The following MDGA2 variants were observed in gnomAD, a reference collection of about 807,000 sequenced individuals.
The protein encoded by MDGA2 is MAM domain containing glycosylphosphatidylinositol anchor 2.
In MDGA2, 40 loss-of-function variants were observed where a neutral mutation model predicts 117.8. The ratio of observed to expected loss-of-function variants is 0.34; its 90% confidence interval spans 0.26 to 0.44. MDGA2 has a LOEUF of 0.44. Among genes scored for constraint, MDGA2 ranks in the 20% least tolerant of loss-of-function variants. The pLI is 1.00. For missense variants in MDGA2, 1,123 were observed against 1,250.6 expected, an observed-to-expected ratio of 0.90 and a Z score of 1.54; for synonymous variants, 452 against 439.0, an observed-to-expected ratio of 1.03 and a Z score of -0.37.
intron 1 of MDGA2, among the ~76,000 whole-genome samples, chr14:47,399,160 A>G (rs1892078845): frequency 6.6e-6 from 1 of 152,186 alleles, no homozygotes; most frequent in Admixed American, 6.5e-5. Context: ...GCAACAAATA[A>G]GGGAATGTAC....
At chr14:47,588,442 C>A (rs1346930759) in intron 1 of MDGA2, among the ~76,000 whole-genome samples, 1 of 151,728 alleles carries the variant, frequency 6.6e-6, no homozygotes, top group Admixed American at 6.6e-5. Context: ...ATTTTCATTA[C>A]AGTCATCCTA....
At chr14:47,017,293 C>T (rs1594530967) in intron 8 of MDGA2, among the ~76,000 whole-genome samples, 1 of 142,840 alleles carries the variant, frequency 7.0e-6, no homozygotes, top group Non-Finnish European at 1.5e-5. Context: ...CATCAAGGCC[C>T]ACATTGAAAA....
chr14:47,630,633 C>T (rs1279467361), intron 1 of MDGA2, among the ~76,000 whole-genome samples: 2 of 152,104 alleles, frequency 1.3e-5, no homozygotes, highest in Non-Finnish European at 2.9e-5. Context: ...CAAAATAAGC[C>T]ATATGCAGCT....
chr14:46,926,173 T>C (rs1884324814), intron 9 of MDGA2, among the ~76,000 whole-genome samples: 1 of 152,200 alleles, frequency 6.6e-6, no homozygotes, highest in Non-Finnish European at 1.5e-5. Flanking sequence ...CCAGTCCTCA[T>C]GAAAATGGGA....
At chr14:47,409,742 T>A (rs1448275008) in intron 1 of MDGA2, among the ~76,000 whole-genome samples, 1 of 152,174 alleles carries the variant, frequency 6.6e-6, no homozygotes, top group African/African-American at 2.4e-5. Context: ...TGATTTTTTT[T>A]AAGAAAGAAA....
intron 8 of MDGA2, among the ~76,000 whole-genome samples, chr14:47,029,342 C>T (rs1888580578): frequency 6.6e-6 from 1 of 152,014 alleles, no homozygotes. Flanking sequence ...TTATCAATAG[C>T]CCTGATTATT....
chr14:47,237,810 G>A (rs1886913844), intron 2 of MDGA2, among the ~76,000 whole-genome samples: 1 of 152,010 alleles, frequency 6.6e-6, no homozygotes, highest in African/African-American at 2.4e-5. Context: ...GCTTGCCCAA[G>A]TCACCATCAT....
intron 10 of MDGA2, among the ~76,000 whole-genome samples, chr14:46,898,401 G>C (rs761843381): frequency 6.6e-6 from 1 of 151,984 alleles, no homozygotes; most frequent in Non-Finnish European, 1.5e-5. Context: ...AGGCGTCAAG[G>C]TACATTTCTT....
chr14:46,964,598 AG>A (rs1885942064), intron 8 of MDGA2, among the ~76,000 whole-genome samples: 1 of 152,232 alleles, frequency 6.6e-6, no homozygotes, highest in Non-Finnish European at 1.5e-5. Flanking sequence ...TCCGGGAGCC[AG>A]AACGTTTCAG....
At chr14:47,047,660 T>C (rs1170482295) in intron 7 of MDGA2, among the ~76,000 whole-genome samples, 4 of 152,126 alleles carry the variant, frequency 2.6e-5, no homozygotes, top group Non-Finnish European at 5.9e-5. Context: ...TAGTTATTAC[T>C]ATGTTTTCTT....
At chr14:46,958,007 C>CT (rs1265941025) in intron 8 of MDGA2, among the ~76,000 whole-genome samples, 2 of 151,954 alleles carry the variant, frequency 1.3e-5, no homozygotes, top group African/African-American at 2.4e-5. Flanking sequence ...GGTAAGAATT[C>CT]TTTTTTTATT....
intron 1 of MDGA2, among the ~76,000 whole-genome samples, chr14:47,318,408 T>C (rs1166875488): frequency 6.6e-6 from 1 of 152,126 alleles, no homozygotes; most frequent in African/African-American, 2.4e-5. Context: ...TCCACTAATC[T>C]AATTGCTTAC....
chr14:47,000,839 A>G (rs964783206), intron 8 of MDGA2, among the ~76,000 whole-genome samples: 1 of 152,038 alleles, frequency 6.6e-6, no homozygotes, highest in African/African-American at 2.4e-5. Context: ...AGAGAAGAAA[A>G]TAATACCATT....
At chr14:47,421,986 A>C in intron 1 of MDGA2, among the ~76,000 whole-genome samples, 1 of 152,006 alleles carries the variant, frequency 6.6e-6, no homozygotes, top group African/African-American at 2.4e-5. Context: ...AAAGTATTGT[A>C]CAAAGTTAAC....
chr14:47,218,584 T>C (rs1325171004), intron 2 of MDGA2, among the ~76,000 whole-genome samples: 1 of 152,176 alleles, frequency 6.6e-6, no homozygotes, highest in Non-Finnish European at 1.5e-5. Flanking sequence ...ACTTATTTTG[T>C]CCAAGTAGGT....
intron 1 of MDGA2, among the ~76,000 whole-genome samples, chr14:47,490,727 A>C (rs1894151588): frequency 6.6e-6 from 1 of 152,170 alleles, no homozygotes; most frequent in Non-Finnish European, 1.5e-5. Flanking sequence ...AAATCTAAAA[A>C]CATAAGTGAT....
chr14:47,327,378 T>C (rs139308652), intron 1 of MDGA2, among the ~76,000 whole-genome samples: 6 of 152,240 alleles, frequency 3.9e-5, no homozygotes, highest in Middle Eastern at 3.4e-3. Flanking sequence ...AACAGTTTTG[T>C]CTTTGACATT....
At chr14:47,138,583 C>T (rs1469129099) in intron 4 of MDGA2, among the ~76,000 whole-genome samples, 2 of 152,012 alleles carry the variant, frequency 1.3e-5, no homozygotes, top group Non-Finnish European at 1.5e-5. Flanking sequence ...AAAAGGAAGA[C>T]ATACAATGTA....
At chr14:47,530,129 A>G (rs1439672289) in intron 1 of MDGA2, among the ~76,000 whole-genome samples, 1 of 152,176 alleles carries the variant, frequency 6.6e-6, no homozygotes, top group Non-Finnish European at 1.5e-5. Context: ...AGGAAAGCAG[A>G]TGTTCATAGC....
Sources: allele counts gnomAD v4.1 joint callset (sites outside exome capture counted in the v4.1 genomes callset), GRCh38; gene constraint gnomAD v4.1.1; transcripts MANE v1.5; gene names NCBI Gene and HGNC (gene_info 2026-07-23, HGNC 2026-07-21).